ZNF420: variants seen among roughly 807,000 people sequenced by gnomAD.
ZNF420 encodes ATM and p53-associated KZNF protein.
Under a neutral mutation model 44.7 loss-of-function variants are expected in ZNF420, and 31 were observed. The observed-to-expected ratio is 0.69, with a 90% CI of 0.52 to 0.94. The LOEUF (loss-of-function observed/expected upper bound fraction) is 0.94, where lower values mean the gene tolerates loss of function less well. ZNF420 is among the 40% of genes least tolerant of loss of function. The pLI is 0.00. For missense variants in ZNF420, 681 were observed against 827.9 expected, an observed-to-expected ratio of 0.82 and a Z score of 2.18; for synonymous variants, 245 against 267.4, an observed-to-expected ratio of 0.92 and a Z score of 0.82.
intron 1 of ZNF420, among the ~76,000 whole-genome samples, chr19:37,036,398 C>T (rs1819100262): frequency 6.6e-6 from 1 of 152,114 alleles, no homozygotes; most frequent in Non-Finnish European, 1.5e-5. Flanking sequence ...GGGCCTATTT[C>T]TCTTTGCCTT....
At position 37,128,155 on chromosome 19, in the gene ZNF420, A is replaced by G. The variant is rs1568483194; in HGVS notation, c.1164A>G (p.Glu388=). ...LTQHQRIHTN[E]KPYECKECGK... Reference sequence around the variant, plus strand: ...AACACCAGAGAATTCACACCAATGAAAAGCCCTATGAATGTAAGGAATGTG... The same window carrying G: ...AACACCAGAGAATTCACACCAATGAGAAGCCCTATGAATGTAAGGAATGTG... The change falls in exon 5 of 5, where the codon GAA becomes GAG. Residue 388 remains glutamate, a synonymous_variant. Coordinates refer to ENST00000337995, the MANE Select transcript of ZNF420 (RefSeq NM_144689.5). 6.2e-6 allele frequency: 10 copies of G among 1,613,740 alleles called. No individual in the cohort carries two copies. The highest frequency in any genetic ancestry group is 6.8e-6 in the Non-Finnish European group (8 of 1,179,908).
intron 1 of ZNF420, among the ~76,000 whole-genome samples, chr19:37,043,544 A>G (rs1434155015): frequency 1.3e-5 from 2 of 151,380 alleles, no homozygotes; most frequent in East Asian, 3.9e-4. Flanking sequence ...TTTTTTTTAG[A>G]TGGAGTTTTG....
upstream of ZNF420, among the ~76,000 whole-genome samples, chr19:37,076,763 C>T (rs1441531739): frequency 1.3e-5 from 2 of 152,158 alleles, no homozygotes; most frequent in African/African-American, 2.4e-5. Context: ...TTTCTTAATC[C>T]AGTCTATCAT....
intron 4 of ZNF420, among the ~76,000 whole-genome samples, chr19:37,118,437 G>T (rs12978324): frequency 6.6e-6 from 1 of 152,032 alleles, no homozygotes; most frequent in Non-Finnish European, 1.5e-5. Flanking sequence ...TTTGTCACCA[G>T]CAGGCCTGCC....
chr19:37,067,897 ATTT>A (rs1176788066), intron 1 of ZNF420, among the ~76,000 whole-genome samples: 1 of 152,194 alleles, frequency 6.6e-6, no homozygotes, highest in African/African-American at 2.4e-5. Context: ...TCTAAATAGT[ATTT>A]TTATTTCCTG....
At chr19:37,093,230 C>T (rs963320288) in intron 4 of ZNF420, 17 of 151,740 alleles carry the variant, frequency 1.1e-4, no homozygotes, top group African/African-American at 3.4e-4. Context: ...GAACTCATAG[C>T]GTAAGAACTC....
chr19:37,038,969 A>G (rs1454546319), intron 1 of ZNF420, among the ~76,000 whole-genome samples: 2 of 150,620 alleles, frequency 1.3e-5, no homozygotes, highest in Non-Finnish European at 3.0e-5. Flanking sequence ...CTGGACAACA[A>G]CAATGAAACT....
Position 37,130,010 on chromosome 19 carries a change from A to G in ZNF420, c.*952A>G. 4 of 1,516,108 alleles carry G rather than the reference A, an allele frequency of 2.6e-6. No individual in the cohort carries two copies. The highest frequency in any genetic ancestry group is 3.5e-6 in the Non-Finnish European group (4 of 1,130,854). 93.9% of individuals were successfully genotyped at this position (1,516,108 alleles called of 1,614,324 possible). ...CTATATCTATTTTCTCTTTTTTAGTAACAAATTTCTGGGCTGAAAATCTCA... is the reference window on the plus strand; with the variant it reads ...CTATATCTATTTTCTCTTTTTTAGTGACAAATTTCTGGGCTGAAAATCTCA... On this transcript the variant is annotated 3_prime_UTR_variant, in exon 5 of 5. Coordinates refer to ENST00000337995, the MANE Select transcript of ZNF420 (RefSeq NM_144689.5).
At chr19:37,071,295 G>A (rs1296419322) in intron 1 of ZNF420, among the ~76,000 whole-genome samples, 1 of 152,070 alleles carries the variant, frequency 6.6e-6, no homozygotes, top group Non-Finnish European at 1.5e-5. Context: ...GGAACATAAT[G>A]TTGACAAAAA....
intron 1 of ZNF420, among the ~76,000 whole-genome samples, chr19:37,008,604 A>T (rs1872947180): frequency 6.6e-6 from 1 of 152,212 alleles, no homozygotes; most frequent in Non-Finnish European, 1.5e-5. Context: ...CTCTTCTCTG[A>T]CAAATGAAGC....
intron 1 of ZNF420, among the ~76,000 whole-genome samples, chr19:37,057,811 C>A (rs1176620645): frequency 6.6e-6 from 1 of 152,174 alleles, no homozygotes; most frequent in Non-Finnish European, 1.5e-5. Flanking sequence ...GGAGCTCATT[C>A]TCCTGCAGGA....
At chr19:37,029,808 AT>A (rs1015846173) in intron 1 of ZNF420, among the ~76,000 whole-genome samples, 52 of 151,810 alleles carry the variant, frequency 3.4e-4, no homozygotes, top group African/African-American at 1.2e-3. Context: ...CGCCTGGCCA[AT>A]TTTTTTCTTT....
chr19:37,051,501 T>C (rs540437663), intron 1 of ZNF420, among the ~76,000 whole-genome samples: 96 of 152,370 alleles, frequency 6.3e-4, no homozygotes, highest in African/African-American at 2.3e-3. Flanking sequence ...TTCAGTTTAT[T>C]TGCTTAGAGG....
chr19:37,111,949 A>G (rs1443163543), intron 4 of ZNF420, among the ~76,000 whole-genome samples: 1 of 152,074 alleles, frequency 6.6e-6, no homozygotes, highest in Non-Finnish European at 1.5e-5. Flanking sequence ...AACATTCGCC[A>G]TCTGCTGGAT....
rs987088184 is a variant in ZNF420, at chr19:37,130,195, T to C, written c.*1137T>C. On this transcript the variant is annotated 3_prime_UTR_variant, in exon 5 of 5. Coordinates refer to ENST00000337995, the MANE Select transcript of ZNF420 (RefSeq NM_144689.5). ...CTTTGAGAATGGTATCTGGGTGTTATGGATCATGGAGCAGAAATACAGAAG... is the reference window on the plus strand; with the variant it reads ...CTTTGAGAATGGTATCTGGGTGTTACGGATCATGGAGCAGAAATACAGAAG... 2.6e-6 allele frequency: 4 copies of C among 1,550,066 alleles called. No homozygotes were observed. The highest frequency in any genetic ancestry group is 1.4e-5 in the African/African-American group (1 of 73,040).
chr19:37,103,884 T>A (rs1394859427), intron 4 of ZNF420, among the ~76,000 whole-genome samples: 3 of 151,884 alleles, frequency 2.0e-5, no homozygotes, highest in African/African-American at 7.3e-5. Flanking sequence ...CATTTTCCTC[T>A]TGATATAGCT....
chr19:37,071,501 T>C (rs896221162), intron 1 of ZNF420, among the ~76,000 whole-genome samples: 2 of 152,144 alleles, frequency 1.3e-5, no homozygotes, highest in Admixed American at 6.5e-5. Flanking sequence ...TCAAAGTTAG[T>C]AGTTAATATT....
At chr19:37,037,181 G>C (rs575097931) in intron 1 of ZNF420, among the ~76,000 whole-genome samples, 22 of 152,186 alleles carry the variant, frequency 1.4e-4, no homozygotes, top group Non-Finnish European at 2.8e-4. Context: ...CCAGGGGAGA[G>C]GCCATGCAGG....
chr19:37,054,536 A>G (rs1186652598), intron 1 of ZNF420, among the ~76,000 whole-genome samples: 1 of 152,170 alleles, frequency 6.6e-6, no homozygotes, highest in African/African-American at 2.4e-5. Context: ...TTAGTCTATG[A>G]AGACAAAACC....
Sources: allele counts gnomAD v4.1 joint callset (sites outside exome capture counted in the v4.1 genomes callset), GRCh38; gene constraint gnomAD v4.1.1; transcripts MANE v1.5; gene names NCBI Gene and HGNC (gene_info 2026-07-23, HGNC 2026-07-21).